The following GABRB1 variants were observed in gnomAD, a reference collection of about 807,000 sequenced individuals.
GABRB1 encodes gamma-aminobutyric acid receptor subunit beta-1.
Under a neutral mutation model 51.6 loss-of-function variants are expected in GABRB1, and 17 were observed. The observed-to-expected ratio is 0.33, with a 90% CI of 0.23 to 0.49. The LOEUF is 0.49. Ranked by LOEUF, GABRB1 falls within the 20% of genes least tolerant of loss-of-function variation. GABRB1 has a pLI of 0.99. For synonymous variants in GABRB1, 247 were observed against 218.9 expected (o/e 1.13, Z -1.14); for missense variants, 410 against 600.6 (o/e 0.68, Z 3.32).
intron 4 of GABRB1, among the ~76,000 whole-genome samples, chr4:47,187,716 A>G (rs569670914): frequency 1.3e-5 from 2 of 151,978 alleles, no homozygotes; most frequent in East Asian, 3.9e-4. Context: ...AAAAGAATCC[A>G]AAATGAGACA....
chr4:47,031,750 A>ATC lies in GABRB1; in HGVS notation c.80+22_80+23dup, dbSNP rs771540640. 1,135 of 1,524,272 alleles carry ATC rather than the reference A, an allele frequency of 7.4e-4. 6 individuals carry two copies. The highest frequency in any genetic ancestry group is 6.3e-3 in the African/African-American group (361 of 57,106). 94.4% of individuals were successfully genotyped at this position (1,524,272 alleles called of 1,614,324 possible). On this transcript the variant is annotated intron_variant, in intron 1 of 8. Transcript: ENST00000295454. ...CACACAGGTGAGCTGCTGTTGTTGAATCTCGCTCTCTCTCTCTCTCTCTCT... is the reference window on the plus strand; with the variant it reads ...CACACAGGTGAGCTGCTGTTGTTGAATCTCTCGCTCTCTCTCTCTCTCTCTCT...
At chr4:47,287,700 AT>A (rs1320768310) in intron 4 of GABRB1, among the ~76,000 whole-genome samples, 1 of 152,186 alleles carries the variant, frequency 6.6e-6, no homozygotes, top group East Asian at 1.9e-4. Flanking sequence ...AAGTGATACA[AT>A]GTCATGTCTC....
chr4:47,267,592 C>T (rs112622444), intron 4 of GABRB1, among the ~76,000 whole-genome samples: 169 of 152,036 alleles, frequency 1.1e-3, no homozygotes, highest in African/African-American at 3.7e-3. Flanking sequence ...GTCAGGAGTT[C>T]GAGACAAGCC....
At chr4:47,096,559 A>G (rs1377602930) in intron 3 of GABRB1, among the ~76,000 whole-genome samples, 1 of 152,168 alleles carries the variant, frequency 6.6e-6, no homozygotes, top group East Asian at 1.9e-4. Context: ...TTATGTGGCA[A>G]AAGGAAATTT....
intron 4 of GABRB1, among the ~76,000 whole-genome samples, chr4:47,249,660 G>A (rs1387877623): frequency 2.0e-5 from 3 of 152,112 alleles, no homozygotes; most frequent in Non-Finnish European, 4.4e-5. Context: ...GTTGGACAAG[G>A]AATTTTACCA....
intron 4 of GABRB1, among the ~76,000 whole-genome samples, chr4:47,242,085 G>GTCCA (rs1721546199): frequency 6.6e-6 from 1 of 151,396 alleles, no homozygotes; most frequent in African/African-American, 2.4e-5. Context: ...CCCACCCTGT[G>GTCCA]TCCATGTGTT....
chr4:47,241,506 C>T (rs749615106), intron 4 of GABRB1, among the ~76,000 whole-genome samples: 15 of 152,236 alleles, frequency 9.9e-5, no homozygotes, highest in Non-Finnish European at 1.9e-4. Context: ...ATGCTTCAGG[C>T]GACATCATTT....
intron 4 of GABRB1, among the ~76,000 whole-genome samples, chr4:47,163,337 A>G (rs545723205): frequency 1.9e-4 from 29 of 152,182 alleles, no homozygotes; most frequent in Admixed American, 3.3e-4. Flanking sequence ...GGCAAACTGC[A>G]TACTCAGGAT....
At chr4:47,002,216 T>G (rs1303788475) in intron 1 of GABRB1, among the ~76,000 whole-genome samples, 2 of 152,212 alleles carry the variant, frequency 1.3e-5, no homozygotes, top group Non-Finnish European at 2.9e-5. Context: ...AAACTCTTTT[T>G]AAAAACATAG....
intron 5 of GABRB1, among the ~76,000 whole-genome samples, chr4:47,356,218 C>G (rs147437369): frequency 6.6e-6 from 1 of 152,160 alleles, no homozygotes; most frequent in East Asian, 1.9e-4. Context: ...TCCTTGGAGC[C>G]AAGCACAGTG....
intron 4 of GABRB1, among the ~76,000 whole-genome samples, chr4:47,182,081 CCT>C (rs1718973927): frequency 6.6e-6 from 1 of 151,956 alleles, no homozygotes; most frequent in African/African-American, 2.4e-5. Context: ...AATCTGATCC[CCT>C]GTTTTTGCTT....
chr4:47,401,458 C>T (rs1312852055), intron 5 of GABRB1, among the ~76,000 whole-genome samples: 1 of 152,122 alleles, frequency 6.6e-6, no homozygotes, highest in East Asian at 1.9e-4. Context: ...GCCCAACAGC[C>T]CCTTCACCCA....
intron 4 of GABRB1, among the ~76,000 whole-genome samples, chr4:47,205,397 T>C (rs1720075656): frequency 6.6e-6 from 1 of 152,182 alleles, no homozygotes; most frequent in African/African-American, 2.4e-5. Flanking sequence ...AATATGCTGC[T>C]TGTGAGGATT....
chr4:47,022,129 A>C (rs1724944710), intron 1 of GABRB1, among the ~76,000 whole-genome samples: 1 of 152,116 alleles, frequency 6.6e-6, no homozygotes, highest in South Asian at 2.1e-4. Flanking sequence ...ACTGTACTTA[A>C]AAATTGGAGA....
chr4:47,197,102 G>A (rs1719714210), intron 4 of GABRB1, among the ~76,000 whole-genome samples: 1 of 152,214 alleles, frequency 6.6e-6, no homozygotes, highest in African/African-American at 2.4e-5. Context: ...CTTAGAACCT[G>A]CAGTAACAAC....
At chr4:47,399,733 G>T (rs1161736440) in intron 5 of GABRB1, among the ~76,000 whole-genome samples, 4 of 152,120 alleles carry the variant, frequency 2.6e-5, no homozygotes, top group African/African-American at 9.7e-5. Context: ...GTACTTTTGG[G>T]TCTCATAGTT....
At chr4:47,403,757 A>G in intron 7 of GABRB1, 46 bp downstream of exon 7, 1 of 1,584,878 alleles carries the variant, frequency 6.3e-7, no homozygotes, top group Non-Finnish European at 8.6e-7. Context: ...TTTTACTTTC[A>G]AACAAATAAC....
intron 4 of GABRB1, among the ~76,000 whole-genome samples, chr4:47,309,655 C>T (rs1433762089): frequency 2.0e-5 from 3 of 151,878 alleles, no homozygotes. Context: ...ATGGAGCATA[C>T]CTAAGACTTA....
chr4:47,256,496 T>A (rs1722202865), intron 4 of GABRB1, among the ~76,000 whole-genome samples: 1 of 152,210 alleles, frequency 6.6e-6, no homozygotes, highest in Non-Finnish European at 1.5e-5. Flanking sequence ...CATCTAATAT[T>A]GTATTAGTCT....
Sources: allele counts gnomAD v4.1 joint callset (sites outside exome capture counted in the v4.1 genomes callset), GRCh38; gene constraint gnomAD v4.1.1; transcripts MANE v1.5; gene names NCBI Gene and HGNC (gene_info 2026-07-23, HGNC 2026-07-21).